The following PRELID2 variants were observed in gnomAD, a reference collection of about 807,000 sequenced individuals.
PRELID2 encodes the protein PRELI domain-containing protein 2.
Under a neutral mutation model 28.4 loss-of-function variants are expected in PRELID2, and 25 were observed. The observed-to-expected ratio is 0.88, with a 90% CI of 0.64 to 1.23. The LOEUF (loss-of-function observed/expected upper bound fraction) is 1.23, where lower values mean the gene tolerates loss of function less well. Ranked by LOEUF, PRELID2 falls within the 50% of genes most tolerant of loss-of-function variation. The pLI, the probability that PRELID2 is intolerant of heterozygous loss-of-function variation, is 0.00. For missense variants in PRELID2, 201 were observed against 214.4 expected (o/e 0.94, Z 0.39); for synonymous variants, 76 against 71.6 (o/e 1.06, Z -0.31).
At chr5:145,448,773 T>C in the PRELID2 span, among the ~76,000 whole-genome samples, 1 of 152,152 alleles carries the variant, frequency 6.6e-6, no homozygotes, top group African/African-American at 2.4e-5. Flanking sequence ...CTATGTCATA[T>C]GGTTGTTGGG....
Position 145,765,020 on chromosome 5 carries a change from A to T in PRELID2, c.475-20T>A. 2 of 1,541,748 alleles carry T rather than the reference A, an allele frequency of 1.3e-6. No individual in the cohort carries two copies. The highest frequency in any genetic ancestry group is 1.8e-6 in the Non-Finnish European group (2 of 1,128,408). On this transcript the variant is annotated intron_variant, in intron 5 of 6. Transcript: ENST00000683046. ...AATTCCCTATAGAAAGAAGGAAAAA[A>T]AATTAAAATGCCCTATTTCACAGAC...
the PRELID2 span, among the ~76,000 whole-genome samples, chr5:145,447,669 T>G: frequency 2.6e-5 from 3 of 113,718 alleles, no homozygotes; most frequent in Non-Finnish European, 5.3e-5. Context: ...CCCCTTCCTG[T>G]GTCCATGTGA....
At chr5:145,401,690 G>A in the PRELID2 span, among the ~76,000 whole-genome samples, 1 of 152,162 alleles carries the variant, frequency 6.6e-6, no homozygotes, top group Non-Finnish European at 1.5e-5. Flanking sequence ...TTGGTCAAAT[G>A]ATTGCTCAGA....
chr5:145,733,155 G>A lies in PRELID2; in HGVS notation n.70+31776C>T, dbSNP rs114463678. On this transcript the variant is annotated intron_variant and non_coding_transcript_variant, in intron 1 of 2. Transcript: ENST00000510259. Reference sequence around the variant, plus strand: ...CTGTAGTCCCAGCTACTCGCTACTCGAGAGGCTGAGGTGGGAGGATCACTT... The same window carrying A: ...CTGTAGTCCCAGCTACTCGCTACTCAAGAGGCTGAGGTGGGAGGATCACTT... Among the ~76,000 whole-genome samples the A allele has an allele frequency of 3.8e-3, 580 of 152,004 alleles. 4 individuals are homozygous for A. Among genetic ancestry groups the A allele is most frequent in the African/African-American group, 0.013 (555 of 41,456 alleles).
chr5:145,387,755 G>T, the PRELID2 span, among the ~76,000 whole-genome samples: 1,174 of 151,806 alleles, frequency 7.7e-3, 16 homozygotes, highest in African/African-American at 0.027. Flanking sequence ...AACATAAGGA[G>T]ACCCTGTCTG....
chr5:145,631,125 C>A (rs1050002854), intron 1 of PRELID2, among the ~76,000 whole-genome samples: 1 of 152,114 alleles, frequency 6.6e-6, no homozygotes, highest in Admixed American at 6.6e-5. Context: ...CACAACTATT[C>A]CTTTCCCAGT....
At chr5:145,385,853 T>C in the PRELID2 span, among the ~76,000 whole-genome samples, 6 of 152,116 alleles carry the variant, frequency 3.9e-5, no homozygotes, top group African/African-American at 1.4e-4. Context: ...CTTAACAAAC[T>C]GAAAACATAT....
intron 5 of PRELID2, among the ~76,000 whole-genome samples, chr5:145,790,895 A>G (rs981717682): frequency 3.4e-5 from 5 of 148,664 alleles, no homozygotes; most frequent in African/African-American, 1.2e-4. Context: ...TTCTGGGTAT[A>G]TATATATATA....
At chr5:145,242,337 A>G in the PRELID2 span, among the ~76,000 whole-genome samples, 1 of 152,012 alleles carries the variant, frequency 6.6e-6, no homozygotes, top group African/African-American at 2.4e-5. Context: ...TAAGACATTA[A>G]ATAACACTAT....
intron 1 of PRELID2, among the ~76,000 whole-genome samples, chr5:145,735,417 T>A (rs984324576): frequency 2.6e-5 from 4 of 152,058 alleles, no homozygotes; most frequent in Non-Finnish European, 5.9e-5. Flanking sequence ...AAGTGAGTCA[T>A]AACATAGTTT....
intron 5 of PRELID2, among the ~76,000 whole-genome samples, chr5:145,785,023 CCA>C (rs1751901029): frequency 6.6e-6 from 1 of 151,892 alleles, no homozygotes. Context: ...TTGCCCTGTA[CCA>C]CGGTATATCT....
the PRELID2 span, among the ~76,000 whole-genome samples, chr5:145,259,988 C>G: frequency 6.6e-6 from 1 of 152,090 alleles, no homozygotes; most frequent in Admixed American, 6.6e-5. Flanking sequence ...GGTTTTAGCA[C>G]CATCCCGTTA....
At chr5:145,652,549 C>G (rs1375216926) in intron 1 of PRELID2, among the ~76,000 whole-genome samples, 2 of 152,216 alleles carry the variant, frequency 1.3e-5, no homozygotes. Flanking sequence ...AACAGCTGAT[C>G]TCTCGGCAGA....
intron 4 of PRELID2, among the ~76,000 whole-genome samples, chr5:145,801,380 C>A (rs926107802): frequency 6.6e-6 from 1 of 152,138 alleles, no homozygotes; most frequent in African/African-American, 2.4e-5. Context: ...TCTCCCCACC[C>A]TGTACTTGAA....
the PRELID2 span, among the ~76,000 whole-genome samples, chr5:145,341,646 AC>A: frequency 6.6e-6 from 1 of 152,102 alleles, no homozygotes; most frequent in Non-Finnish European, 1.5e-5. Context: ...CTTCAATAAT[AC>A]ATAAAATCAA....
the PRELID2 span, among the ~76,000 whole-genome samples, chr5:145,441,421 A>C: frequency 6.6e-6 from 1 of 152,002 alleles, no homozygotes; most frequent in African/African-American, 2.4e-5. Context: ...AATTAGTCTC[A>C]CACTTATCTC....
intron 1 of PRELID2, among the ~76,000 whole-genome samples, chr5:145,739,884 T>A (rs1285649646): frequency 1.3e-5 from 2 of 149,656 alleles, no homozygotes; most frequent in African/African-American, 4.9e-5. Flanking sequence ...AATCAAATTA[T>A]AAAATGTATC....
chr5:145,232,196 A>T, the PRELID2 span, among the ~76,000 whole-genome samples: 1 of 150,600 alleles, frequency 6.6e-6, no homozygotes, highest in East Asian at 1.9e-4. Context: ...AAAAGTAATA[A>T]TGATGTTGTT....
In PRELID2 at chr5:145,535,911, G is replaced by A. The variant is rs115425323; in HGVS notation, n.71-62596C>T. On this transcript the variant is annotated intron_variant and non_coding_transcript_variant, in intron 1 of 2. Coordinates refer to the PRELID2 transcript ENST00000510259. The stretch of plus-strand genomic sequence containing the variant: ...CCATATGTCTGTATGGTATTTAAAG[G>A]TTGATATTTAAATGATTTGACATTT... Among the ~76,000 whole-genome samples, 1,167 of 151,952 alleles carry A rather than the reference G, an allele frequency of 7.7e-3. 21 individuals are homozygous for A. The highest frequency in any genetic ancestry group is 0.027 in the African/African-American group (1,118 of 41,512).
Sources: allele counts gnomAD v4.1 joint callset (sites outside exome capture counted in the v4.1 genomes callset), GRCh38; gene constraint gnomAD v4.1.1; transcripts MANE v1.5; gene names NCBI Gene and HGNC (gene_info 2026-07-23, HGNC 2026-07-21).